XKR6: variants seen among roughly 807,000 people sequenced by gnomAD.
The protein encoded by XKR6 is XK related 6.
In XKR6, 22 loss-of-function variants were observed where a neutral mutation model predicts 56.7. That is an observed-to-expected ratio of 0.39 (90% CI 0.28 to 0.55). The LOEUF (loss-of-function observed/expected upper bound fraction) is 0.55. XKR6 is among the 20% of genes least tolerant of loss of function. The pLI is 0.66. For missense variants in XKR6, 852 were observed against 889.0 expected (o/e 0.96, Z 0.53); for synonymous variants, 524 against 387.8 (o/e 1.35, Z -4.13).
intron 1 of XKR6, among the ~76,000 whole-genome samples, chr8:10,928,326 C>G (rs1800956916): frequency 6.6e-6 from 1 of 152,234 alleles, no homozygotes; most frequent in African/African-American, 2.4e-5. Context: ...CTGCTGCTGT[C>G]CTCGAGGCTC....
chr8:10,927,124 C>T (rs922636708), intron 1 of XKR6, among the ~76,000 whole-genome samples: 27 of 152,122 alleles, frequency 1.8e-4, no homozygotes, highest in African/African-American at 3.9e-4. Context: ...ATGTCATCAT[C>T]GGTAGTTTGG....
chr8:11,039,492 T>C, intron 1 of XKR6, among the ~76,000 whole-genome samples: 1 of 152,218 alleles, frequency 6.6e-6, no homozygotes, highest in East Asian at 1.9e-4. Context: ...GTAACTTCTG[T>C]GTGCCTTTTC....
chr8:11,061,353 C>G (rs1194669435), intron 1 of XKR6, among the ~76,000 whole-genome samples: 1 of 152,060 alleles, frequency 6.6e-6, no homozygotes, highest in African/African-American at 2.4e-5. Context: ...GTAGTCCCAG[C>G]TACTGTGGAG....
intron 1 of XKR6, among the ~76,000 whole-genome samples, chr8:11,052,829 C>T (rs1317536829): frequency 2.6e-5 from 4 of 151,990 alleles, no homozygotes; most frequent in Admixed American, 6.6e-5. Context: ...CTCTGCTGCC[C>T]GCCGTCCTCC....
At chr8:11,188,438 G>A (rs1803385709) in intron 1 of XKR6, among the ~76,000 whole-genome samples, 1 of 152,082 alleles carries the variant, frequency 6.6e-6, no homozygotes, top group African/African-American at 2.4e-5. Flanking sequence ...GACAACTTTT[G>A]TTTCATCTGC....
intron 1 of XKR6, among the ~76,000 whole-genome samples, chr8:11,154,630 C>G (rs538464589): frequency 1.3e-5 from 2 of 152,314 alleles, no homozygotes; most frequent in African/African-American, 2.4e-5. Context: ...TCTTGGAAAT[C>G]ACACCTCACA....
chr8:11,112,788 T>C (rs1798970387), intron 1 of XKR6, among the ~76,000 whole-genome samples: 2 of 152,212 alleles, frequency 1.3e-5, no homozygotes, highest in African/African-American at 2.4e-5. Context: ...CAGATTTCCA[T>C]GGCCAGCTTG....
chr8:10,979,784 G>A (rs947694752), intron 1 of XKR6, among the ~76,000 whole-genome samples: 1 of 152,220 alleles, frequency 6.6e-6, no homozygotes, highest in African/African-American at 2.4e-5. Context: ...AGCTCTGAGT[G>A]AGGACCCTGT....
chr8:11,150,025 C>T (rs1234153336), intron 1 of XKR6, among the ~76,000 whole-genome samples: 1 of 152,132 alleles, frequency 6.6e-6, no homozygotes. Context: ...AAAAATTGAT[C>T]TCATGGAGGT....
intron 1 of XKR6, among the ~76,000 whole-genome samples, chr8:11,149,250 A>C (rs183677034): frequency 6.6e-6 from 1 of 152,336 alleles, no homozygotes; most frequent in African/African-American, 2.4e-5. Flanking sequence ...CCTCGACTCT[A>C]TATACAGCCT....
chr8:10,981,815 G>T (rs1797741164), intron 1 of XKR6, among the ~76,000 whole-genome samples: 1 of 152,214 alleles, frequency 6.6e-6, no homozygotes. Flanking sequence ...CAGTGGAGGT[G>T]CCACCATTTT....
intron 1 of XKR6, among the ~76,000 whole-genome samples, chr8:10,947,958 G>T (rs938028401): frequency 6.6e-6 from 1 of 152,216 alleles, no homozygotes; most frequent in African/African-American, 2.4e-5. Context: ...TGGCTGTCAG[G>T]CCTGGGGTTG....
intron 1 of XKR6, among the ~76,000 whole-genome samples, chr8:11,086,808 T>C (rs1156801506): frequency 1.3e-5 from 2 of 152,220 alleles, no homozygotes; most frequent in East Asian, 3.8e-4. Context: ...GTTCTGCTGC[T>C]AATAGAGGCA....
At chr8:10,976,611 G>C (rs369561651) in intron 1 of XKR6, among the ~76,000 whole-genome samples, 1 of 152,176 alleles carries the variant, frequency 6.6e-6, no homozygotes, top group Non-Finnish European at 1.5e-5. Context: ...GGGTGAGAAA[G>C]ACAGTCTCCA....
intron 1 of XKR6, among the ~76,000 whole-genome samples, chr8:11,018,664 G>A (rs555541779): frequency 2.6e-5 from 4 of 152,304 alleles, no homozygotes; most frequent in African/African-American, 4.8e-5. Flanking sequence ...TTTGTGAAAT[G>A]TTGTCTTTCT....
At chr8:10,970,438 A>G (rs1802372866) in intron 1 of XKR6, among the ~76,000 whole-genome samples, 1 of 152,180 alleles carries the variant, frequency 6.6e-6, no homozygotes. Flanking sequence ...CCACCATGTG[A>G]CTGGCACTGT....
intron 1 of XKR6, among the ~76,000 whole-genome samples, chr8:10,993,968 C>A (rs1045560324): frequency 6.6e-6 from 1 of 152,204 alleles, no homozygotes; most frequent in East Asian, 1.9e-4. Flanking sequence ...GCCCACCAAG[C>A]CTTGCTCTGC....
At chr8:10,912,626 T>C (rs1021756956) in intron 2 of XKR6, among the ~76,000 whole-genome samples, 1 of 137,924 alleles carries the variant, frequency 7.3e-6, no homozygotes, top group Admixed American at 7.3e-5. Flanking sequence ...TGTGAGTATA[T>C]ATATGTAAAG....
At chr8:11,046,686 G>A (rs936152419) in intron 1 of XKR6, among the ~76,000 whole-genome samples, 2 of 152,078 alleles carry the variant, frequency 1.3e-5, no homozygotes, top group Non-Finnish European at 2.9e-5. Context: ...TAAGCCAGCC[G>A]CTTATTCACA....
Sources: gnomAD v4.1 joint callset for allele counts (sites outside exome capture counted in the v4.1 genomes callset) on GRCh38, gnomAD v4.1.1 for gene constraint, MANE v1.5 for transcripts, NCBI Gene and HGNC (gene_info 2026-07-23, HGNC 2026-07-21) for gene names.